Variants in EGLN3 observed in about 807,000 individuals in gnomAD.
EGLN3 encodes prolyl hydroxylase EGLN3.
EGLN3 carries 15 observed loss-of-function variants against 26.0 expected under a neutral mutation model. The observed-to-expected ratio is 0.58, with a 90% CI of 0.39 to 0.89. EGLN3 has a LOEUF of 0.89. EGLN3 is among the 40% of genes least tolerant of loss of function. EGLN3 has a pLI of 0.00. For synonymous variants in EGLN3, 147 were observed against 127.2 expected (o/e 1.16, Z -1.05); for missense variants, 238 against 311.6 (o/e 0.76, Z 1.78).
At chr14:33,944,196 A>G (rs1222471644) in intron 1 of EGLN3, among the ~76,000 whole-genome samples, 1 of 152,056 alleles carries the variant, frequency 6.6e-6, no homozygotes, top group East Asian at 1.9e-4. Flanking sequence ...ATCTCGGCTC[A>G]CTGCAACCTC....
intron 1 of EGLN3, among the ~76,000 whole-genome samples, chr14:33,935,205 C>T (rs563289184): frequency 3.3e-5 from 5 of 152,282 alleles, no homozygotes; most frequent in Non-Finnish European, 4.4e-5. Flanking sequence ...GCTTAATGCA[C>T]GGCCTGGCAC....
At chr14:33,938,199 A>G (rs2064455712) in intron 1 of EGLN3, among the ~76,000 whole-genome samples, 2 of 152,244 alleles carry the variant, frequency 1.3e-5, no homozygotes, top group African/African-American at 2.4e-5. Flanking sequence ...TCAAGATTCT[A>G]TTCCAGGAGA....
rs2064558304 is a variant in EGLN3 at position 33,951,003 on chromosome 14, A to T, written c.-251T>A. On this transcript the variant is annotated 5_prime_UTR_variant, in exon 1 of 5. Transcript: ENST00000250457. ...GACCCGTTTCCGGACTGGCCCGGCG[A>T]GCAGTGCGGCGCAAGGAGTCGGAGG... 3.8e-6 allele frequency: 2 copies of T among 526,482 alleles called. No individual in the cohort carries two copies. Among genetic ancestry groups the T allele is most frequent in the East Asian group, 6.2e-5 (2 of 32,040 alleles). 32.6% of individuals were successfully genotyped at this position (526,482 alleles called of 1,614,324 possible). A position where few individuals can be genotyped will look rare whatever the true frequency, so the allele number is the denominator to read the frequency against.
At chr14:33,939,466 G>A (rs1010249595) in intron 1 of EGLN3, among the ~76,000 whole-genome samples, 1 of 151,946 alleles carries the variant, frequency 6.6e-6, no homozygotes, top group East Asian at 1.9e-4. Flanking sequence ...CGCCTCGGCC[G>A]CCCAAAGTGC....
In EGLN3 at chr14:33,950,898, G is replaced by A. The variant is rs1486180658; in HGVS notation, c.-146C>T. ...CGGTACCCGAGCCGCTGCAGCGTCGGGGACAAGGGAAAGTTTCTCGCAACT... is the reference window on the plus strand; with the variant it reads ...CGGTACCCGAGCCGCTGCAGCGTCGAGGACAAGGGAAAGTTTCTCGCAACT... On this transcript the variant is annotated 5_prime_UTR_variant, in exon 1 of 5. Coordinates refer to ENST00000250457, the MANE Select transcript of EGLN3 (RefSeq NM_022073.4). 9 of 718,212 alleles carry A rather than the reference G, an allele frequency of 1.3e-5. No individual in the cohort carries two copies. Among genetic ancestry groups the A allele is most frequent in the Non-Finnish European group, 1.9e-5 (8 of 418,422 alleles). The allele number at this position is 718,212 out of a possible 1,614,324, so 44.5% of individuals were successfully genotyped here.
At chr14:33,939,515 A>AGTC (rs1555343795) in intron 1 of EGLN3, among the ~76,000 whole-genome samples, 1 of 151,758 alleles carries the variant, frequency 6.6e-6, no homozygotes, top group South Asian at 2.1e-4. Context: ...CGGCCGAAAC[A>AGTC]ATCTTAAAAC....
rs1169921793 is a variant in EGLN3, at chr14:33,925,149, A to G, written c.*742T>C. Reference sequence around the variant, plus strand: ...TTCCAACAAAGCAACCAAAACAACTAATGTCTAGTTTTTTAGCTTCTGGGG... The same window carrying G: ...TTCCAACAAAGCAACCAAAACAACTGATGTCTAGTTTTTTAGCTTCTGGGG... On this transcript the variant is annotated 3_prime_UTR_variant, in exon 5 of 5. Transcript: ENST00000250457. 6.6e-6 allele frequency: 1 copy of G among 152,086 alleles called. No homozygotes were observed. The highest frequency in any genetic ancestry group is 1.5e-5 in the Non-Finnish European group (1 of 68,020). The allele number at this position is 152,086 out of a possible 1,614,324, so 9.4% of individuals were successfully genotyped here.
intron 1 of EGLN3, among the ~76,000 whole-genome samples, chr14:33,943,070 C>T (rs2064494364): frequency 6.6e-6 from 1 of 152,162 alleles, no homozygotes. Context: ...CAGAAACTCA[C>T]CCACAAATCA....
intron 1 of EGLN3, among the ~76,000 whole-genome samples, chr14:33,941,823 G>C (rs1270244006): frequency 6.6e-6 from 1 of 152,184 alleles, no homozygotes; most frequent in Non-Finnish European, 1.5e-5. Flanking sequence ...GAAGACTTCA[G>C]GGAACAGGCA....
chr14:33,925,710 A>T lies in EGLN3; in HGVS notation c.*181T>A. 1.5e-6 allele frequency: 1 copy of T among 659,812 alleles called. No homozygotes were observed. The highest frequency in any genetic ancestry group is 2.0e-5 in the South Asian group (1 of 49,806). 40.9% of individuals were successfully genotyped at this position (659,812 alleles called of 1,614,324 possible). A position where few individuals can be genotyped will look rare whatever the true frequency, so the allele number is the denominator to read the frequency against. ...TTCATCTGGCAAAGAGAGTATCTGA[A>T]GATCAACACAGTCTTGGCAAGAAAA... is the stretch of plus-strand genomic sequence containing the variant. On this transcript the variant is annotated 3_prime_UTR_variant, in exon 5 of 5. Transcript: ENST00000250457.
intron 1 of EGLN3, among the ~76,000 whole-genome samples, chr14:33,942,655 G>A (rs945158121): frequency 2.0e-5 from 3 of 152,140 alleles, no homozygotes; most frequent in East Asian, 1.9e-4. Context: ...ATTGACACCT[G>A]GAATTGAGTT....
intron 1 of EGLN3, among the ~76,000 whole-genome samples, chr14:33,933,879 C>T (rs1234253040): frequency 3.9e-5 from 6 of 152,138 alleles, no homozygotes; most frequent in African/African-American, 1.4e-4. Context: ...GAAGAGAAGT[C>T]TTCAATGCTT....
chr14:33,940,981 T>G (rs1306481596), intron 1 of EGLN3, among the ~76,000 whole-genome samples: 3 of 152,166 alleles, frequency 2.0e-5, no homozygotes, highest in Non-Finnish European at 2.9e-5. Context: ...AGGAATCAAA[T>G]AAAAGGCACT....
intron 4 of EGLN3, 55 bp downstream of exon 4, chr14:33,926,905 A>G: frequency 1.5e-6 from 2 of 1,341,064 alleles, no homozygotes; most frequent in South Asian, 1.3e-5. Flanking sequence ...ATAAAATTGA[A>G]TAAAAGTCAA....
chr14:33,943,766 C>T lies in EGLN3; in HGVS notation c.357+6630G>A, dbSNP rs141288352. On this transcript the variant is annotated intron_variant, in intron 1 of 4. Transcript: ENST00000250457. Reference sequence around the variant, plus strand: ...AACGCCACCCTGACCTTTAAGCTTCCTCAGAGAAATCTTTCATACATGGTG... The same window carrying T: ...AACGCCACCCTGACCTTTAAGCTTCTTCAGAGAAATCTTTCATACATGGTG... Among the ~76,000 whole-genome samples, 1,227 of 152,280 alleles carry T rather than the reference C, an allele frequency of 8.1e-3. 35 individuals are homozygous for T. Among genetic ancestry groups the T allele is most frequent in the Admixed American group, 0.046 (707 of 15,282 alleles).
intron 1 of EGLN3, among the ~76,000 whole-genome samples, chr14:33,940,348 A>T (rs1430267148): frequency 6.6e-6 from 1 of 152,200 alleles, no homozygotes; most frequent in Non-Finnish European, 1.5e-5. Context: ...TGGTACAAAT[A>T]ATAGGCTATA....
chr14:33,948,934 G>A (rs2064536795), intron 1 of EGLN3: 1 of 152,122 alleles, frequency 6.6e-6, no homozygotes, highest in Non-Finnish European at 1.5e-5. Context: ...AGACAGCAAG[G>A]TCATTTAATG....
At chr14:33,942,464 G>A (rs1312358136) in intron 1 of EGLN3, among the ~76,000 whole-genome samples, 1 of 152,166 alleles carries the variant, frequency 6.6e-6, no homozygotes. Context: ...GCTCACACCT[G>A]TAGTTTCAGT....
At position 33,950,776 on chromosome 14, in the gene EGLN3, G is replaced by GAATTTTTTTAAT; in HGVS notation, c.-25_-24insATTAAAAAAATT. The GAATTTTTTTAAT allele has an allele frequency of 6.3e-7, 1 of 1,576,816 alleles. No homozygotes were observed. Among genetic ancestry groups the GAATTTTTTTAAT allele is most frequent in the Non-Finnish European group, 8.7e-7 (1 of 1,155,748 alleles). On this transcript the variant is annotated 5_prime_UTR_variant, in exon 1 of 5. Coordinates refer to ENST00000250457, the MANE Select transcript of EGLN3 (RefSeq NM_022073.4). The stretch of plus-strand genomic sequence containing the variant: ...ATCTCGCCCGCAGAATCGAGGTCCG[G>GAATTTTTTTAAT]GATCCCCAGCGTGCAACCAGAGAGG...
Sources: allele counts gnomAD v4.1 joint callset (sites outside exome capture counted in the v4.1 genomes callset), GRCh38; gene constraint gnomAD v4.1.1; transcripts MANE v1.5; gene names NCBI Gene and HGNC (gene_info 2026-07-23, HGNC 2026-07-21).